TUSC3: variants seen among roughly 807,000 people sequenced by gnomAD.
TUSC3 encodes tumor suppressor candidate 3, also known as dolichyl-diphosphooligosaccharide--protein glycosyltransferase subunit TUSC3.
A neutral mutation model predicts 44.8 loss-of-function variants in TUSC3; 45 were observed. The observed-to-expected ratio is 1.00, with a 90% CI of 0.79 to 1.29. The LOEUF (loss-of-function observed/expected upper bound fraction) is 1.29, where lower values mean the gene tolerates loss of function less well. Among genes scored for constraint, TUSC3 ranks in the 50% most tolerant of loss-of-function variants. TUSC3 has a pLI of 0.00. For missense variants in TUSC3, 519 were observed against 437.9 expected, an observed-to-expected ratio of 1.19 and a Z score of -1.65; for synonymous variants, 212 against 152.9, an observed-to-expected ratio of 1.39 and a Z score of -2.85.
intron 1 of TUSC3, among the ~76,000 whole-genome samples, chr8:15,455,432 CGT>C (rs1563255232): frequency 2.0e-5 from 3 of 151,826 alleles, no homozygotes; most frequent in Admixed American, 6.6e-5. Context: ...TATGTATACA[CGT>C]ATATGTATAC....
chr8:15,816,442 T>C, the TUSC3 span, among the ~76,000 whole-genome samples: 1 of 152,146 alleles, frequency 6.6e-6, no homozygotes, highest in African/African-American at 2.4e-5. Flanking sequence ...AGTAAAACTC[T>C]TGACAATACA....
intron 6 of TUSC3, among the ~76,000 whole-genome samples, chr8:15,710,257 T>TA (rs1410157714): frequency 8.6e-5 from 13 of 151,926 alleles, no homozygotes; most frequent in Non-Finnish European, 1.5e-4. Flanking sequence ...TGCTACCACT[T>TA]ATGCTACCTA....
intron 1 of TUSC3, among the ~76,000 whole-genome samples, chr8:15,454,807 C>T (rs992585022): frequency 6.6e-6 from 1 of 152,132 alleles, no homozygotes; most frequent in East Asian, 1.9e-4. Flanking sequence ...ATGATTTAAT[C>T]AATGATTTAT....
At chr8:15,823,694 AC>A in the TUSC3 span, among the ~76,000 whole-genome samples, 6 of 152,214 alleles carry the variant, frequency 3.9e-5, no homozygotes, top group Admixed American at 6.5e-5. Context: ...TGATATAAAC[AC>A]CCCTGTTATT....
Position 15,662,300 on chromosome 8 carries a change from T to A in TUSC3, c.708+4T>A. On this transcript the variant is annotated splice_donor_region_variant and intron_variant, in intron 5 of 10. Coordinates refer to ENST00000503731, the MANE Select transcript of TUSC3 (RefSeq NM_006765.4). ...TGGTTGGGCCATGGTGTCTCTGGTATGTTAATACATTGTGCTTTTTTTATT... is the reference window on the plus strand; with the variant it reads ...TGGTTGGGCCATGGTGTCTCTGGTAAGTTAATACATTGTGCTTTTTTTATT... 1 of 1,612,662 alleles carries A rather than the reference T, an allele frequency of 6.2e-7. No homozygotes were observed. The highest frequency in any genetic ancestry group is 1.1e-5 in the South Asian group (1 of 91,066).
chr8:15,548,723 T>C (rs1417222365), intron 1 of TUSC3, among the ~76,000 whole-genome samples: 3 of 151,920 alleles, frequency 2.0e-5, no homozygotes, highest in African/African-American at 7.2e-5. Context: ...AGGGAGGTAT[T>C]GTTGAATTAA....
intron 2 of TUSC3, among the ~76,000 whole-genome samples, chr8:15,492,597 G>C (rs970765204): frequency 5.9e-5 from 9 of 151,938 alleles, no homozygotes; most frequent in Admixed American, 2.6e-4. Context: ...ATTTGACTTG[G>C]TGACCACTCA....
chr8:15,787,279 C>T, the TUSC3 span, among the ~76,000 whole-genome samples: 8 of 152,052 alleles, frequency 5.3e-5, no homozygotes, highest in Admixed American at 4.6e-4. Flanking sequence ...CAGCATCATG[C>T]ACACTAATTA....
chr8:15,601,998 C>T (rs1804307824), intron 1 of TUSC3, among the ~76,000 whole-genome samples: 1 of 151,150 alleles, frequency 6.6e-6, no homozygotes. Context: ...ATTGAGCATC[C>T]CTGATCTAAA....
intron 3 of TUSC3, among the ~76,000 whole-genome samples, chr8:15,655,159 T>G (rs1807097086): frequency 6.6e-6 from 1 of 152,024 alleles, no homozygotes; most frequent in South Asian, 2.1e-4. Flanking sequence ...CTTGCTAAAA[T>G]AATAATTGGT....
chr8:15,762,361 A>G, intron 10 of TUSC3, among the ~76,000 whole-genome samples: 1 of 152,044 alleles, frequency 6.6e-6, no homozygotes, highest in East Asian at 1.9e-4. Context: ...GATATAAACA[A>G]CTGATTGTTA....
the TUSC3 span, among the ~76,000 whole-genome samples, chr8:15,841,809 G>A: frequency 6.6e-5 from 10 of 152,200 alleles, no homozygotes; most frequent in Middle Eastern, 3.4e-3. Context: ...CCACCACACC[G>A]GGCCTAAAAA....
intron 7 of TUSC3, among the ~76,000 whole-genome samples, chr8:15,735,879 T>TG (rs10683442): frequency 0.032 from 1,323 of 40,788 alleles, 12 homozygotes; most frequent in African/African-American, 0.08. Context: ...GGTTTTTTTT[T>TG]TTTGTTTTTT....
chr8:15,639,159 G>A (rs1345169290), intron 2 of TUSC3, among the ~76,000 whole-genome samples: 4 of 151,328 alleles, frequency 2.6e-5, no homozygotes, highest in Admixed American at 6.6e-5. Context: ...TGATGATCAT[G>A]TGTCGATGCT....
chr8:15,824,029 T>G, the TUSC3 span, among the ~76,000 whole-genome samples: 1 of 152,204 alleles, frequency 6.6e-6, no homozygotes, highest in Non-Finnish European at 1.5e-5. Context: ...CAAAAAATTT[T>G]TTAAATTTTT....
chr8:15,843,978 A>G, the TUSC3 span, among the ~76,000 whole-genome samples: 1 of 152,096 alleles, frequency 6.6e-6, no homozygotes, highest in Non-Finnish European at 1.5e-5. Context: ...TAGAAGGAAA[A>G]TCTAATTTCT....
intron 1 of TUSC3, among the ~76,000 whole-genome samples, chr8:15,455,688 A>C (rs1285685195): frequency 6.6e-6 from 1 of 152,144 alleles, no homozygotes; most frequent in East Asian, 1.9e-4. Flanking sequence ...AAATTACATC[A>C]GTTTAGGAGA....
intron 6 of TUSC3, among the ~76,000 whole-genome samples, chr8:15,694,511 T>G (rs756445167): frequency 6.6e-6 from 1 of 151,936 alleles, no homozygotes; most frequent in African/African-American, 2.4e-5. Flanking sequence ...ACACTCTGGC[T>G]TTTTGAATTG....
the TUSC3 span, among the ~76,000 whole-genome samples, chr8:15,798,480 G>A: frequency 6.1e-4 from 93 of 152,260 alleles, no homozygotes; most frequent in East Asian, 0.013. Flanking sequence ...TCTCCATAAA[G>A]TCGCTGAGAT....
Sources: gnomAD v4.1 joint callset for allele counts (sites outside exome capture counted in the v4.1 genomes callset) on GRCh38, gnomAD v4.1.1 for gene constraint, MANE v1.5 for transcripts, NCBI Gene and HGNC (gene_info 2026-07-23, HGNC 2026-07-21) for gene names.